The following STIM1 variants were observed in gnomAD, a reference collection of about 807,000 sequenced individuals.
STIM1 encodes stromal interaction molecule 1.
In STIM1, 25 loss-of-function variants were observed where a neutral mutation model predicts 74.7. That is an observed-to-expected ratio of 0.33 (90% CI 0.24 to 0.47). The LOEUF (loss-of-function observed/expected upper bound fraction) is 0.47, where lower values mean the gene tolerates loss of function less well. Ranked by LOEUF, STIM1 falls within the 20% of genes least tolerant of loss-of-function variation. The pLI is 1.00. For missense variants in STIM1, 728 were observed against 920.8 expected (o/e 0.79, Z 2.71); for synonymous variants, 328 against 348.8 (o/e 0.94, Z 0.66).
At chr11:3,895,905 T>A (rs181023630) in intron 1 of STIM1, among the ~76,000 whole-genome samples, 256 of 148,120 alleles carry the variant, frequency 1.7e-3, no homozygotes, top group Non-Finnish European at 2.8e-3. Flanking sequence ...TTTCTTTCTT[T>A]CTTCTTTCTT....
At chr11:3,886,133 T>G (rs987290552) in intron 1 of STIM1, among the ~76,000 whole-genome samples, 2 of 152,230 alleles carry the variant, frequency 1.3e-5, no homozygotes, top group Non-Finnish European at 2.9e-5. Context: ...TCTCCGATGA[T>G]ATCTTGAATA....
intron 1 of STIM1, among the ~76,000 whole-genome samples, chr11:3,901,376 T>C (rs1472647877): frequency 6.6e-6 from 1 of 152,196 alleles, no homozygotes; most frequent in African/African-American, 2.4e-5. Flanking sequence ...AACCACCTAT[T>C]GACATTTTGT....
intron 2 of STIM1, among the ~76,000 whole-genome samples, chr11:3,992,915 T>C (rs1460738599): frequency 6.6e-6 from 1 of 152,236 alleles, no homozygotes; most frequent in African/African-American, 2.4e-5. Context: ...CCACATCTAT[T>C]GGTAAATCCT....
chr11:3,981,234 A>G (rs1343981463), intron 2 of STIM1, among the ~76,000 whole-genome samples: 2 of 152,146 alleles, frequency 1.3e-5, no homozygotes, highest in Non-Finnish European at 2.9e-5. Flanking sequence ...AGCCAATCCG[A>G]GAAATCTTGT....
chr11:4,077,956 C>A (rs2133202519), intron 7 of STIM1, among the ~76,000 whole-genome samples: 1 of 152,196 alleles, frequency 6.6e-6, no homozygotes, highest in East Asian at 1.9e-4. Context: ...ACATAGCAAT[C>A]ATAATTATTT....
At chr11:4,015,176 A>G (rs1004665386) in intron 2 of STIM1, among the ~76,000 whole-genome samples, 1 of 151,962 alleles carries the variant, frequency 6.6e-6, no homozygotes, top group African/African-American at 2.4e-5. Context: ...ATATTTTTGC[A>G]GTGGCTGGTA....
At chr11:3,890,575 G>T (rs1014515795) in intron 1 of STIM1, among the ~76,000 whole-genome samples, 3 of 152,128 alleles carry the variant, frequency 2.0e-5, no homozygotes, top group African/African-American at 7.2e-5. Flanking sequence ...GGGCATGGTG[G>T]CACACGCCTG....
intron 2 of STIM1, among the ~76,000 whole-genome samples, chr11:4,007,460 C>T (rs2093793511): frequency 6.6e-6 from 1 of 152,164 alleles, no homozygotes; most frequent in African/African-American, 2.4e-5. Context: ...GTATATTGAA[C>T]ATCAAAGTTA....
At chr11:3,920,994 C>T (rs1192040939) in intron 1 of STIM1, among the ~76,000 whole-genome samples, 2 of 152,042 alleles carry the variant, frequency 1.3e-5, no homozygotes, top group African/African-American at 2.4e-5. Context: ...CGGGGTTTCA[C>T]CATGTTGACC....
chr11:4,030,283 C>T (rs1490855254), intron 3 of STIM1, among the ~76,000 whole-genome samples: 1 of 148,978 alleles, frequency 6.7e-6, no homozygotes, highest in Non-Finnish European at 1.5e-5. Context: ...AAGCTGAGAT[C>T]GCAACTTCAC....
At chr11:3,906,220 A>G (rs2092463446) in intron 1 of STIM1, among the ~76,000 whole-genome samples, 1 of 152,186 alleles carries the variant, frequency 6.6e-6, no homozygotes, top group South Asian at 2.1e-4. Context: ...GCTTCTTCCT[A>G]AGTATTTTTA....
intron 12 of STIM1, among the ~76,000 whole-genome samples, chr11:4,090,878 T>C (rs2094520090): frequency 6.6e-6 from 1 of 152,332 alleles, no homozygotes; most frequent in Non-Finnish European, 1.5e-5. Flanking sequence ...AGACAGATGA[T>C]GGTATGATGA....
intron 3 of STIM1, among the ~76,000 whole-genome samples, chr11:4,036,160 T>TA (rs2094100480): frequency 6.6e-6 from 1 of 152,226 alleles, no homozygotes; most frequent in African/African-American, 2.4e-5. Context: ...TCCAACTCTA[T>TA]TCATGTCCCT....
At chr11:4,074,709 TTGACGGG>T in intron 7 of STIM1, 30 bp downstream of exon 7, 1 of 1,551,354 alleles carries the variant, frequency 6.4e-7, no homozygotes, top group Non-Finnish European at 8.7e-7. Context: ...CCTGGACACC[TTGACGGG>T]TGGGTAAAGG....
intron 10 of STIM1, among the ~76,000 whole-genome samples, 182 bp from the exon 11 acceptor site, chr11:4,084,491 G>A (rs1049915560): frequency 1.6e-4 from 25 of 152,342 alleles, no homozygotes; most frequent in African/African-American, 6.0e-4. Flanking sequence ...TCACTGACAG[G>A]CAGAGCTTGA....
intron 1 of STIM1, among the ~76,000 whole-genome samples, chr11:3,869,890 C>G (rs1217976720): frequency 6.6e-6 from 1 of 151,970 alleles, no homozygotes; most frequent in Non-Finnish European, 1.5e-5. Context: ...CAGTAGGACT[C>G]AGAGTTTAAA....
chr11:4,061,374 G>T (rs1423443193), intron 5 of STIM1, among the ~76,000 whole-genome samples: 1 of 152,142 alleles, frequency 6.6e-6, no homozygotes, highest in Non-Finnish European at 1.5e-5. Flanking sequence ...ACTTAAGGAA[G>T]GCCAGAGATC....
At position 4,057,316 on chromosome 11, in the gene STIM1, G is replaced by A. The variant is rs144721896; in HGVS notation, c.497+1679G>A. Among the ~76,000 whole-genome samples the A allele has an allele frequency of 2.2e-3, 341 of 152,262 alleles. 3 individuals carry two copies. Among genetic ancestry groups the A allele is most frequent in the Middle Eastern group, 0.014 (4 of 294 alleles). On this transcript the variant is annotated intron_variant, in intron 4 of 12. Transcript: ENST00000526596. Reference sequence around the variant, plus strand: ...CACTGGTTCACTTAGCTTTTTTGTGGCTAGAATTACAGCCAAGACCAGGTC... The same window carrying A: ...CACTGGTTCACTTAGCTTTTTTGTGACTAGAATTACAGCCAAGACCAGGTC...
chr11:3,929,926 C>G (rs1470111108), intron 1 of STIM1, among the ~76,000 whole-genome samples: 1 of 152,154 alleles, frequency 6.6e-6, no homozygotes, highest in Non-Finnish European at 1.5e-5. Context: ...GCTCTTCCCC[C>G]ACCTTTCTAC....
Sources: gnomAD v4.1 joint callset for allele counts (sites outside exome capture counted in the v4.1 genomes callset) on GRCh38, gnomAD v4.1.1 for gene constraint, MANE v1.5 for transcripts, NCBI Gene and HGNC (gene_info 2026-07-23, HGNC 2026-07-21) for gene names.